The following CEP85L variants were observed in gnomAD, a reference collection of about 807,000 sequenced individuals.
CEP85L encodes the protein centrosomal protein 85L.
A neutral mutation model predicts 100.3 loss-of-function variants in CEP85L; 60 were observed. The ratio of observed to expected loss-of-function variants is 0.60; its 90% CI spans 0.49 to 0.74. CEP85L has a LOEUF of 0.74. Ranked by LOEUF, CEP85L falls within the 30% of genes least tolerant of loss-of-function variation. CEP85L has a pLI of 0.00. For missense variants in CEP85L, 973 were observed against 936.2 expected (o/e 1.04, Z -0.51); for synonymous variants, 319 against 322.7 (o/e 0.99, Z 0.12).
intron 2 of CEP85L, among the ~76,000 whole-genome samples, chr6:118,601,936 C>G (rs1462162098): frequency 1.3e-5 from 2 of 152,158 alleles, no homozygotes; most frequent in African/African-American, 4.8e-5. Flanking sequence ...CTATCTCATC[C>G]TGTGATGTAG....
intron 6 of CEP85L, among the ~76,000 whole-genome samples, chr6:118,488,302 T>C (rs1214323435): frequency 6.6e-6 from 1 of 151,806 alleles, no homozygotes; most frequent in Non-Finnish European, 1.5e-5. Context: ...TGAGGTCAGG[T>C]AAACAATGCA....
chr6:118,555,895 T>A (rs1778839435), intron 3 of CEP85L, among the ~76,000 whole-genome samples: 2 of 152,154 alleles, frequency 1.3e-5, no homozygotes, highest in African/African-American at 4.8e-5. Context: ...AGTGAGAACC[T>A]GTGGTATTTG....
At chr6:118,705,845 G>GA (rs1404825838) in intron 1 of CEP85L, among the ~76,000 whole-genome samples, 4 of 151,928 alleles carry the variant, frequency 2.6e-5, no homozygotes, top group East Asian at 1.9e-4. Flanking sequence ...CAGGAGATTT[G>GA]AAAAAAAATC....
upstream of CEP85L, among the ~76,000 whole-genome samples, chr6:118,652,240 G>A (rs1022600517): frequency 1.3e-5 from 2 of 152,100 alleles, no homozygotes; most frequent in African/African-American, 4.8e-5. Context: ...AAGTAAAAAT[G>A]GCACCAAAGT....
intron 3 of CEP85L, among the ~76,000 whole-genome samples, chr6:118,561,510 T>C (rs191515264): frequency 6.6e-6 from 1 of 152,228 alleles, no homozygotes; most frequent in Admixed American, 6.5e-5. Context: ...GAATAAGATA[T>C]AAGAAAACAA....
At chr6:118,684,737 A>AC (rs1776778114) in intron 1 of CEP85L, among the ~76,000 whole-genome samples, 1 of 152,096 alleles carries the variant, frequency 6.6e-6, no homozygotes, top group Non-Finnish European at 1.5e-5. Context: ...TGTAATAGTA[A>AC]CCCATGATCT....
intron 1 of CEP85L, among the ~76,000 whole-genome samples, chr6:118,704,723 G>T (rs983460520): frequency 3.9e-5 from 6 of 151,970 alleles, no homozygotes; most frequent in African/African-American, 1.5e-4. Flanking sequence ...CTCCTGCCTC[G>T]GCCTCCCACA....
intron 2 of CEP85L, among the ~76,000 whole-genome samples, chr6:118,585,724 G>A (rs1780819250): frequency 1.3e-5 from 2 of 152,150 alleles, no homozygotes; most frequent in African/African-American, 4.8e-5. Flanking sequence ...TTGTTTTCAG[G>A]AAAGAACTTA....
chr6:118,680,169 T>G (rs1201939246), intron 1 of CEP85L, among the ~76,000 whole-genome samples: 2 of 151,566 alleles, frequency 1.3e-5, no homozygotes, highest in African/African-American at 2.4e-5. Flanking sequence ...GGCATGAGCC[T>G]GTAGTCCCAG....
intron 6 of CEP85L, among the ~76,000 whole-genome samples, chr6:118,488,256 A>T (rs1774323297): frequency 6.6e-6 from 1 of 152,124 alleles, no homozygotes. Flanking sequence ...ATTTGCCTGA[A>T]AGAGAATTCA....
In CEP85L at chr6:118,469,176, T is replaced by C; in HGVS notation, c.2150A>G (p.Lys717Arg). 2 of 1,614,088 alleles carry C rather than the reference T, an allele frequency of 1.2e-6. No individual in the cohort carries two copies. The highest frequency in any genetic ancestry group is 1.7e-6 in the Non-Finnish European group (2 of 1,179,934). Reference sequence around the variant, plus strand: ...GTCAAACAAACAACAGGACATTTCCTTGAACAGCTGATCAATCACAGTCAA... The same window carrying C: ...GTCAAACAAACAACAGGACATTTCCCTGAACAGCTGATCAATCACAGTCAA... ...FDLTVIDQLFKEMSCCLFDLK... is the reference protein window; with the variant it reads ...FDLTVIDQLFREMSCCLFDLK... Residue 717 changes from lysine (K) to arginine (R), a missense_variant, in exon 12 of 13, where the codon AAG (lysine) becomes AGG (arginine). Physicochemically the swap from Lys to Arg is conservative, Grantham distance 26. This residue lies in a region of CEP85L where 890 missense variants were observed against 844.5 expected (regional missense o/e 1.05). Transcript: ENST00000368491.
At chr6:118,555,500 AATAAGCAAATATCAAC>A (rs376314551) in intron 3 of CEP85L, among the ~76,000 whole-genome samples, 17 of 152,290 alleles carry the variant, frequency 1.1e-4, no homozygotes, top group Non-Finnish European at 1.9e-4. Context: ...CTAGATCTAC[AATAAGCAAATATCAAC>A]ATAAGCAAAT....
chr6:118,597,250 T>G (rs941643575), intron 2 of CEP85L, among the ~76,000 whole-genome samples: 1 of 152,182 alleles, frequency 6.6e-6, no homozygotes, highest in Non-Finnish European at 1.5e-5. Flanking sequence ...CCCTTGATCT[T>G]GAAACTCTGA....
intron 2 of CEP85L, among the ~76,000 whole-genome samples, chr6:118,584,913 C>A (rs924695873): frequency 1.3e-5 from 2 of 152,222 alleles, no homozygotes; most frequent in Admixed American, 1.3e-4. Context: ...ATTGTTCTCA[C>A]CTAAATCCAG....
chr6:118,685,148 T>A (rs1776790664), intron 1 of CEP85L, among the ~76,000 whole-genome samples: 1 of 152,232 alleles, frequency 6.6e-6, no homozygotes, highest in African/African-American at 2.4e-5. Context: ...TACTTAGTTG[T>A]ATCTGTAATT....
chr6:118,688,761 AG>A (rs1776930015), intron 1 of CEP85L, among the ~76,000 whole-genome samples: 1 of 152,186 alleles, frequency 6.6e-6, no homozygotes, highest in South Asian at 2.1e-4. Context: ...TTTCAGCTGC[AG>A]CTGCAGTGAG....
At chr6:118,476,161 T>G (rs1183611669) in intron 10 of CEP85L, among the ~76,000 whole-genome samples, 1 of 152,192 alleles carries the variant, frequency 6.6e-6, no homozygotes, top group Non-Finnish European at 1.5e-5. Context: ...TTTTTCAAGT[T>G]AAATCCACCT....
intron 1 of CEP85L, among the ~76,000 whole-genome samples, chr6:118,657,837 T>A (rs555313553): frequency 1.2e-3 from 182 of 152,360 alleles, no homozygotes; most frequent in African/African-American, 4.1e-3. Context: ...TTTTAATTCA[T>A]TAATTAAGAA....
At chr6:118,507,192 T>G (rs1775708142) in intron 5 of CEP85L, among the ~76,000 whole-genome samples, 1 of 152,210 alleles carries the variant, frequency 6.6e-6, no homozygotes, top group South Asian at 2.1e-4. Context: ...CTTAACATAG[T>G]AATCTCTATA....
Sources: gnomAD v4.1 joint callset for allele counts (sites outside exome capture counted in the v4.1 genomes callset) on GRCh38, gnomAD v4.1.1 for gene constraint, gnomAD v4.1.1 regional missense constraint, MANE v1.5 for transcripts, NCBI Gene and HGNC (gene_info 2026-07-23, HGNC 2026-07-21) for gene names.